GLIPR2: variants seen among roughly 807,000 people sequenced by gnomAD.
GLIPR2 encodes the protein Golgi-associated plant pathogenesis-related protein 1.
GLIPR2 carries 21 observed loss-of-function variants against 20.4 expected under a neutral mutation model. The observed-to-expected ratio is 1.03, with a 90% CI of 0.73 to 1.48. The LOEUF is 1.48. Ranked by LOEUF, GLIPR2 falls within the 40% of genes most tolerant of loss-of-function variation. The pLI, the probability that GLIPR2 is intolerant of heterozygous loss-of-function variation, is 0.00. For synonymous variants in GLIPR2, 91 were observed against 80.5 expected (o/e 1.13, Z -0.70); for missense variants, 205 against 200.1 (o/e 1.02, Z -0.15).
intron 4 of GLIPR2, among the ~76,000 whole-genome samples, chr9:36,155,552 C>T (rs1180815617): frequency 6.6e-6 from 1 of 152,042 alleles, no homozygotes; most frequent in African/African-American, 2.4e-5. Flanking sequence ...TGAGATCGTG[C>T]CACTGCACTC....
Position 36,150,426 on chromosome 9 carries a change from T to A in GLIPR2, c.227-446T>A, listed in dbSNP as rs890560967. On this transcript the variant is annotated intron_variant, in intron 3 of 4. Transcript: ENST00000377960. ...GAGATCCGTGGCTTACCAGCCTGAT[T>A]GTCTTTCCAAATATGGATGTTTCAA... Among the ~76,000 whole-genome samples, 4 of 152,206 alleles carry A rather than the reference T, an allele frequency of 2.6e-5. No individual in the cohort carries two copies. The East Asian group carries it at 5.8e-4, about 22-fold the overall frequency.
chr9:36,145,285 C>G (rs541332432), intron 1 of GLIPR2, among the ~76,000 whole-genome samples: 1 of 152,352 alleles, frequency 6.6e-6, no homozygotes, highest in African/African-American at 2.4e-5. Flanking sequence ...AGCCCCTGTT[C>G]AGATATTTCT....
chr9:36,163,346 G>GAGAC lies in GLIPR2; in HGVS notation c.*827_*830dup, dbSNP rs1826143450. On this transcript the variant is annotated 3_prime_UTR_variant, in exon 5 of 5. Coordinates refer to ENST00000377960, the MANE Select transcript of GLIPR2 (RefSeq NM_022343.4). Reference sequence around the variant, plus strand: ...GCTAGGCAGCCCAGGCCTGGTCTGGGAGACAGCCCCTCACCCTGCCTGGGC... The same window carrying GAGAC: ...GCTAGGCAGCCCAGGCCTGGTCTGGGAGACAGACAGCCCCTCACCCTGCCTGGGC... 1 of 166,796 alleles carries GAGAC rather than the reference G, an allele frequency of 6.0e-6. No individual in the cohort carries two copies. Among genetic ancestry groups the GAGAC allele is most frequent in the South Asian group, 1.4e-4 (1 of 6,928 alleles). 10.3% of individuals were successfully genotyped at this position (166,796 alleles called of 1,614,324 possible).
intron 4 of GLIPR2, among the ~76,000 whole-genome samples, chr9:36,155,773 T>C (rs1429081788): frequency 1.3e-5 from 2 of 152,046 alleles, no homozygotes; most frequent in Non-Finnish European, 2.9e-5. Flanking sequence ...CTTTCTTTTT[T>C]TAATTTTTTA....
chr9:36,162,239 G>C (rs1157640875), intron 4 of GLIPR2, 123 bp from the exon 5 acceptor site: 1 of 1,592,496 alleles, frequency 6.3e-7, no homozygotes, highest in Non-Finnish European at 8.5e-7. Context: ...CAGGGGGTCT[G>C]TGAAGACCAT....
At chr9:36,139,010 G>C (rs1824951934) in intron 1 of GLIPR2, among the ~76,000 whole-genome samples, 1 of 152,088 alleles carries the variant, frequency 6.6e-6, no homozygotes, top group Admixed American at 6.6e-5. Context: ...GGTGGAGGGA[G>C]GATAGGGGAG....
At chr9:36,150,294 C>T (rs1825519371) in intron 3 of GLIPR2, among the ~76,000 whole-genome samples, 1 of 152,214 alleles carries the variant, frequency 6.6e-6, no homozygotes, top group Non-Finnish European at 1.5e-5. Context: ...GAGGTCCCCG[C>T]TCCTGGCTCT....
chr9:36,144,657 C>T (rs1587133713), intron 1 of GLIPR2: 1 of 152,428 alleles, frequency 6.6e-6, no homozygotes, highest in Admixed American at 6.5e-5. Flanking sequence ...GCCCCCATAT[C>T]CCTGCCCTGC....
chr9:36,150,158 G>A (rs192656780), intron 3 of GLIPR2, among the ~76,000 whole-genome samples: 128 of 152,228 alleles, frequency 8.4e-4, no homozygotes, highest in African/African-American at 2.9e-3. Flanking sequence ...AGGCTGATGT[G>A]TGGAACATGG....
intron 1 of GLIPR2, chr9:36,144,475 C>T (rs1266036900): frequency 1.3e-5 from 2 of 152,198 alleles, no homozygotes; most frequent in Non-Finnish European, 2.9e-5. Context: ...GACCTGAAAT[C>T]TTTGTTTTTC....
At chr9:36,159,355 A>G (rs1470901233) in intron 4 of GLIPR2, among the ~76,000 whole-genome samples, 2 of 152,244 alleles carry the variant, frequency 1.3e-5, no homozygotes, top group Non-Finnish European at 2.9e-5. Context: ...AGCTCAAAAC[A>G]TAGAATGCTG....
chr9:36,142,090 A>T (rs1245728831), intron 1 of GLIPR2, among the ~76,000 whole-genome samples: 1 of 152,126 alleles, frequency 6.6e-6, no homozygotes, highest in Admixed American at 6.5e-5. Flanking sequence ...TCCCTCAGCC[A>T]GGTATGCTGG....
At position 36,162,579 on chromosome 9, in the gene GLIPR2, G is replaced by T; in HGVS notation, c.*57G>T. On this transcript the variant is annotated 3_prime_UTR_variant, in exon 5 of 5. Coordinates refer to ENST00000377960, the MANE Select transcript of GLIPR2 (RefSeq NM_022343.4). ...TAAGAACGTGGATATGAAGTGCCTA[G>T]AACCACCACAACCTGGCTGTGCGTC... The T allele has an allele frequency of 6.4e-7, 1 of 1,558,318 alleles. No homozygotes were observed. Among genetic ancestry groups the T allele is most frequent in the South Asian group, 1.1e-5 (1 of 88,252 alleles).
intron 3 of GLIPR2, among the ~76,000 whole-genome samples, chr9:36,149,229 T>A (rs2132742411): frequency 6.6e-6 from 1 of 152,362 alleles, no homozygotes; most frequent in Non-Finnish European, 1.5e-5. Context: ...CCTGGCCCTC[T>A]GGCCCTGACA....
chr9:36,160,876 T>C (rs1433706096), intron 4 of GLIPR2, among the ~76,000 whole-genome samples: 1 of 151,842 alleles, frequency 6.6e-6, no homozygotes, highest in African/African-American at 2.4e-5. Flanking sequence ...ACCTTGTCTC[T>C]ACTAAAAATA....
chr9:36,150,892 T>C lies in GLIPR2; in HGVS notation c.247T>C (p.Trp83Arg). The stretch of plus-strand genomic sequence containing the variant: ...CACAGGAAAGGAGGTGGCTGATAGA[T>C]GGTACAGTGAAATCAAGAACTATAA... ...DQTGKEVADR[W>R]YSEIKNYNFQ... Residue 83 changes from tryptophan (W) to arginine (R), a missense_variant, in exon 4 of 5, where the codon TGG becomes CGG. By Grantham distance (101) the Trp-to-Arg change is moderately radical. Coordinates refer to ENST00000377960, the MANE Select transcript of GLIPR2 (RefSeq NM_022343.4). 6.2e-7 allele frequency: 1 copy of C among 1,613,568 alleles called. No homozygotes were observed. Among genetic ancestry groups the C allele is most frequent in the Non-Finnish European group, 8.5e-7 (1 of 1,179,586 alleles).
At chr9:36,152,522 G>C (rs1825630659) in intron 4 of GLIPR2, among the ~76,000 whole-genome samples, 1 of 151,968 alleles carries the variant, frequency 6.6e-6, no homozygotes, top group African/African-American at 2.4e-5. Flanking sequence ...GGCCGAGGTG[G>C]GTGGATCACC....
intron 4 of GLIPR2, among the ~76,000 whole-genome samples, chr9:36,152,580 T>C (rs1450932815): frequency 6.6e-6 from 1 of 151,070 alleles, no homozygotes; most frequent in Non-Finnish European, 1.5e-5. Flanking sequence ...TGAAACCCCG[T>C]CTCTACTAAA....
At chr9:36,138,595 ATTC>A (rs1276945113) in intron 1 of GLIPR2, among the ~76,000 whole-genome samples, 1 of 152,154 alleles carries the variant, frequency 6.6e-6, no homozygotes, top group African/African-American at 2.4e-5. Context: ...CTGTGTGCCC[ATTC>A]TTCTGTCTGT....
Sources: gnomAD v4.1 joint callset for allele counts (sites outside exome capture counted in the v4.1 genomes callset) on GRCh38, gnomAD v4.1.1 for gene constraint, MANE v1.5 for transcripts, NCBI Gene and HGNC (gene_info 2026-07-23, HGNC 2026-07-21) for gene names.